SGCZ: variants seen among roughly 807,000 people sequenced by gnomAD.
SGCZ encodes the protein zeta-sarcoglycan.
In SGCZ, 40 loss-of-function variants were observed where a neutral mutation model predicts 41.3. The ratio of observed to expected loss-of-function variants is 0.97; its 90% CI spans 0.75 to 1.26. SGCZ has a LOEUF of 1.26. SGCZ is among the 50% of genes most tolerant of loss of function. The probability of loss-of-function intolerance (pLI) is 0.00; values close to 1 mark genes in which losing one functional copy is unlikely to be tolerated. For synonymous variants in SGCZ, 206 were observed against 137.5 expected (o/e 1.50, Z -3.49); for missense variants, 552 against 369.8 (o/e 1.49, Z -4.04).
chr8:14,583,132 A>C (rs1184236962), intron 1 of SGCZ, among the ~76,000 whole-genome samples: 1 of 150,104 alleles, frequency 6.7e-6, no homozygotes, highest in Non-Finnish European at 1.5e-5. Flanking sequence ...CCAACAGTGT[A>C]AAAGTGTTCC....
At chr8:15,153,683 C>T (rs1056125628) in intron 1 of SGCZ, among the ~76,000 whole-genome samples, 1 of 152,028 alleles carries the variant, frequency 6.6e-6, no homozygotes, top group African/African-American at 2.4e-5. Context: ...CTCTCTTGTC[C>T]CTGCTCTCAC....
At chr8:14,840,828 C>G (rs535808484) in intron 1 of SGCZ, among the ~76,000 whole-genome samples, 2 of 152,154 alleles carry the variant, frequency 1.3e-5, no homozygotes, top group South Asian at 4.1e-4. Context: ...TTATGAGACT[C>G]AAGAAGTGTC....
At chr8:14,247,990 A>C (rs1286206680) in intron 3 of SGCZ, among the ~76,000 whole-genome samples, 1 of 152,244 alleles carries the variant, frequency 6.6e-6, no homozygotes, top group East Asian at 1.9e-4. Flanking sequence ...CAAACGACTA[A>C]GGTAAAGCAG....
intron 1 of SGCZ, among the ~76,000 whole-genome samples, chr8:14,964,215 C>T (rs530573861): frequency 1.3e-4 from 20 of 152,172 alleles, no homozygotes; most frequent in African/African-American, 4.3e-4. Context: ...TCTCACTTAG[C>T]CCTATTTTCA....
chr8:14,566,937 G>A (rs954036786), intron 1 of SGCZ, among the ~76,000 whole-genome samples: 6 of 152,168 alleles, frequency 3.9e-5, no homozygotes, highest in Non-Finnish European at 7.4e-5. Flanking sequence ...GGCTGGCCCC[G>A]CCAGCTGGCC....
intron 1 of SGCZ, among the ~76,000 whole-genome samples, chr8:14,978,152 T>C (rs2130875475): frequency 6.6e-6 from 1 of 152,154 alleles, no homozygotes; most frequent in African/African-American, 2.4e-5. Context: ...CAAAAGATTA[T>C]TTTGTATTTG....
intron 1 of SGCZ, among the ~76,000 whole-genome samples, chr8:14,976,837 G>T (rs896843639): frequency 6.6e-6 from 1 of 152,206 alleles, no homozygotes; most frequent in Non-Finnish European, 1.5e-5. Flanking sequence ...AACCAAAAAA[G>T]TGTAGATAGG....
chr8:14,904,374 A>C (rs191574980), intron 1 of SGCZ, among the ~76,000 whole-genome samples: 2 of 152,204 alleles, frequency 1.3e-5, no homozygotes, highest in East Asian at 3.9e-4. Flanking sequence ...TTTCCAAAAA[A>C]GATTAGACGC....
intron 1 of SGCZ, among the ~76,000 whole-genome samples, chr8:15,073,100 T>C (rs1346464665): frequency 6.6e-6 from 1 of 152,098 alleles, no homozygotes; most frequent in South Asian, 2.1e-4. Context: ...ATGGGCTTCA[T>C]GTGTAGATCA....
chr8:14,809,880 T>G (rs894369797), intron 1 of SGCZ, among the ~76,000 whole-genome samples: 4 of 152,124 alleles, frequency 2.6e-5, no homozygotes, highest in Non-Finnish European at 5.9e-5. Flanking sequence ...TTTGATTAGT[T>G]AAAAGGCTAA....
chr8:14,678,634 C>G (rs1298614797), intron 1 of SGCZ, among the ~76,000 whole-genome samples: 1 of 152,170 alleles, frequency 6.6e-6, no homozygotes, highest in African/African-American at 2.4e-5. Context: ...TGACAGTTTC[C>G]TACAAAACTA....
chr8:15,096,214 T>C, intron 1 of SGCZ, among the ~76,000 whole-genome samples: 1 of 151,820 alleles, frequency 6.6e-6, no homozygotes. Flanking sequence ...GAAACTGAGA[T>C]TACAGGTGTG....
chr8:14,278,546 T>A (rs1585312480), intron 3 of SGCZ, among the ~76,000 whole-genome samples: 1 of 152,124 alleles, frequency 6.6e-6, no homozygotes, highest in Non-Finnish European at 1.5e-5. Flanking sequence ...ATAGCGAAAC[T>A]CATTTCACGT....
chr8:14,714,785 G>A (rs148284090), intron 1 of SGCZ, among the ~76,000 whole-genome samples: 2 of 152,166 alleles, frequency 1.3e-5, no homozygotes, highest in African/African-American at 4.8e-5. Context: ...TAAGAACAAT[G>A]GAATTTTTGT....
At chr8:15,132,078 A>G (rs1374803495) in intron 1 of SGCZ, among the ~76,000 whole-genome samples, 1 of 152,182 alleles carries the variant, frequency 6.6e-6, no homozygotes, top group Non-Finnish European at 1.5e-5. Flanking sequence ...GCCCCTGGAA[A>G]TTGTTCATTT....
At chr8:14,799,764 C>T (rs574215522) in intron 1 of SGCZ, among the ~76,000 whole-genome samples, 53 of 152,188 alleles carry the variant, frequency 3.5e-4, no homozygotes, top group African/African-American at 1.2e-3. Flanking sequence ...TTCTCTAAAA[C>T]CTCATGCCCC....
chr8:14,236,627 C>T (rs897450418), intron 4 of SGCZ, among the ~76,000 whole-genome samples: 4 of 151,380 alleles, frequency 2.6e-5, no homozygotes, highest in African/African-American at 9.7e-5. Flanking sequence ...TTGTAATTTA[C>T]TTTTCTCTTT....
At chr8:15,066,062 A>G (rs1347629817) in intron 1 of SGCZ, among the ~76,000 whole-genome samples, 1 of 151,512 alleles carries the variant, frequency 6.6e-6, no homozygotes, top group African/African-American at 2.4e-5. Context: ...TAATCCCAGC[A>G]CTTTGGGAGG....
At chr8:14,360,220 T>C (rs56844887) in intron 2 of SGCZ, among the ~76,000 whole-genome samples, 122 of 152,242 alleles carry the variant, frequency 8.0e-4, no homozygotes, top group African/African-American at 2.7e-3. Flanking sequence ...GATGCCCACT[T>C]TCACCACTCT....
Sources: gnomAD v4.1 joint callset for allele counts (sites outside exome capture counted in the v4.1 genomes callset) on GRCh38, gnomAD v4.1.1 for gene constraint, MANE v1.5 for transcripts, NCBI Gene and HGNC (gene_info 2026-07-23, HGNC 2026-07-21) for gene names.